The following MAPT variants were observed in gnomAD, a reference collection of about 807,000 sequenced individuals.
MAPT encodes microtubule associated protein tau, also known as microtubule-associated protein tau.
In MAPT, 34 loss-of-function variants were observed where a neutral mutation model predicts 67.9. The observed-to-expected ratio is 0.50, with a 90% CI of 0.38 to 0.67. The LOEUF (loss-of-function observed/expected upper bound fraction) is 0.67. Ranked by LOEUF, MAPT falls within the 30% of genes least tolerant of loss-of-function variation. The probability of loss-of-function intolerance (pLI) is 0.00; values close to 1 mark genes in which losing one functional copy is unlikely to be tolerated. For missense variants in MAPT, 881 were observed against 1,115.2 expected, an observed-to-expected ratio of 0.79 and a Z score of 2.99; for synonymous variants, 456 against 464.5, an observed-to-expected ratio of 0.98 and a Z score of 0.23.
intron 9 of MAPT, chr17:45,999,630 G>A (rs1411662458): frequency 6.2e-7 from 1 of 1,610,806 alleles, no homozygotes; most frequent in Non-Finnish European, 8.5e-7. Flanking sequence ...CTCTGCCCAT[G>A]AGGGGTGAGA....
At chr17:45,984,071 T>G in intron 5 of MAPT, 141 bp downstream of exon 5, 1 of 743,622 alleles carries the variant, frequency 1.3e-6, no homozygotes, top group Non-Finnish European at 2.2e-6. Flanking sequence ...GACACCTGGG[T>G]GCAGCTGCTC....
intron 1 of MAPT, among the ~76,000 whole-genome samples, chr17:45,950,874 G>C (rs1196294115): frequency 6.6e-6 from 1 of 152,144 alleles, no homozygotes; most frequent in African/African-American, 2.4e-5. Flanking sequence ...TGTTGGCCAG[G>C]CTGGTCTCGA....
At chr17:45,955,678 T>TC (rs1442455982) in intron 1 of MAPT, among the ~76,000 whole-genome samples, 3 of 151,642 alleles carry the variant, frequency 2.0e-5, no homozygotes, top group Admixed American at 6.6e-5. Context: ...CCTCTGAGAA[T>TC]CCAACAGAAG....
chr17:45,901,149 A>T (rs1412391976), intron 1 of MAPT, among the ~76,000 whole-genome samples: 1 of 152,148 alleles, frequency 6.6e-6, no homozygotes, highest in Non-Finnish European at 1.5e-5. Context: ...TACACACAGA[A>T]CTCTTGCCAC....
chr17:45,914,576 A>G (rs747513264), intron 1 of MAPT, among the ~76,000 whole-genome samples: 1 of 152,228 alleles, frequency 6.6e-6, no homozygotes, highest in Admixed American at 6.5e-5. Context: ...AACAGAGTCC[A>G]CACAGACATA....
chr17:45,910,688 T>C (rs1270203526), intron 1 of MAPT: 1 of 120,848 alleles, frequency 8.3e-6, no homozygotes, highest in African/African-American at 3.1e-5. Context: ...AAAAAAAAAC[T>C]AAGATGTATT....
chr17:45,903,521 C>T (rs1220299797), intron 1 of MAPT, among the ~76,000 whole-genome samples: 1 of 150,952 alleles, frequency 6.6e-6, no homozygotes, highest in Non-Finnish European at 1.5e-5. Flanking sequence ...AGATTGAGAC[C>T]ATCCTGGCTT....
At position 45,915,574 on chromosome 17, in the gene MAPT, G is replaced by GA. The variant is rs1394575593; in HGVS notation, c.-18+20888_-18+20889insA. Among the ~76,000 whole-genome samples, 4 of 151,686 alleles carry GA rather than the reference G, an allele frequency of 2.6e-5. No homozygotes were observed. The highest frequency in any genetic ancestry group is 7.3e-5 in the African/African-American group (3 of 41,260). On this transcript the variant is annotated intron_variant, in intron 1 of 12. Coordinates refer to ENST00000262410, the MANE Select transcript of MAPT (RefSeq NM_001377265.1). This position sits in a 1 kb window ranked among gnomAD's most constrained non-coding sequence, Gnocchi z 4.4. ...TGTTGTGTGTGTGGTGCATGTGTGT[G>GA]GCGTGTGAGCGTGTGTGTGCATTGT...
At chr17:46,014,375 G>A (rs763176316) in intron 11 of MAPT, 51 bp downstream of exon 11, 2 of 1,277,106 alleles carry the variant, frequency 1.6e-6, no homozygotes, top group Non-Finnish European at 2.3e-6. Flanking sequence ...GGGGGTGGAG[G>A]AGTCCTGGTG....
chr17:46,016,863 C>A (rs934847154), intron 11 of MAPT, among the ~76,000 whole-genome samples: 7 of 152,186 alleles, frequency 4.6e-5, no homozygotes, highest in Admixed American at 3.9e-4. Flanking sequence ...AGTATAGTAG[C>A]CACTAGCTAC....
At chr17:45,910,656 G>T (rs1408921799) in intron 1 of MAPT, 1 of 142,388 alleles carries the variant, frequency 7.0e-6, no homozygotes, top group Non-Finnish European at 1.5e-5. Flanking sequence ...TCAACAGATG[G>T]CTTTTTCCTT....
intron 1 of MAPT, among the ~76,000 whole-genome samples, chr17:45,903,656 A>G (rs2063770212): frequency 1.5e-5 from 2 of 137,076 alleles, no homozygotes; most frequent in Non-Finnish European, 1.5e-5. Flanking sequence ...TGGAGGTTGC[A>G]GTGAGCCGAG....
chr17:45,986,979 T>C, intron 5 of MAPT, 61 bp from the exon 6 acceptor site: 1 of 1,465,186 alleles, frequency 6.8e-7, no homozygotes, highest in Non-Finnish European at 9.5e-7. Context: ...TCACCACAGC[T>C]GGCTTTCTGT....
intron 1 of MAPT, among the ~76,000 whole-genome samples, chr17:45,912,967 C>T (rs1568150078): frequency 6.6e-6 from 1 of 152,130 alleles, no homozygotes; most frequent in Non-Finnish European, 1.5e-5. Context: ...GACAGTTGTT[C>T]GTGATTTCTT....
chr17:45,930,628 A>C (rs1355624016), intron 1 of MAPT, among the ~76,000 whole-genome samples: 1 of 152,166 alleles, frequency 6.6e-6, no homozygotes, highest in East Asian at 1.9e-4. Flanking sequence ...ATTTGAACCC[A>C]AATCTTCCAG....
chr17:45,994,018 C>G, intron 8 of MAPT: 3 of 1,525,882 alleles, frequency 2.0e-6, no homozygotes, highest in Non-Finnish European at 2.7e-6. Flanking sequence ...CCTCCCTTTG[C>G]GTGTGTGGCC....
intron 11 of MAPT, among the ~76,000 whole-genome samples, chr17:46,016,400 A>C (rs1186162652): frequency 6.6e-6 from 1 of 151,746 alleles, no homozygotes; most frequent in Non-Finnish European, 1.5e-5. Context: ...CAAAAAAAAA[A>C]AAAAAGAAAG....
At chr17:45,927,776 G>A (rs2066482378) in intron 1 of MAPT, among the ~76,000 whole-genome samples, 4 of 151,886 alleles carry the variant, frequency 2.6e-5, no homozygotes, top group African/African-American at 9.7e-5. Flanking sequence ...CAAGGTGGGT[G>A]GATCACAAGG....
intron 1 of MAPT, among the ~76,000 whole-genome samples, chr17:45,923,650 A>T (rs1465276522): frequency 1.3e-5 from 2 of 152,216 alleles, no homozygotes; most frequent in Non-Finnish European, 2.9e-5. Flanking sequence ...TACCCACTTT[A>T]GCTTTTAGTA....
Sources: allele counts gnomAD v4.1 joint callset (sites outside exome capture counted in the v4.1 genomes callset), GRCh38; gene constraint gnomAD v4.1.1; non-coding constraint Gnocchi (gnomAD v3.1); transcripts MANE v1.5; gene names NCBI Gene and HGNC (gene_info 2026-07-23, HGNC 2026-07-21).